The following TCF24 variants were observed in gnomAD, a reference collection of about 807,000 sequenced individuals.
The protein encoded by TCF24 is transcription factor 24.
TCF24 carries 5 observed loss-of-function variants against 9.3 expected under a neutral mutation model. The ratio of observed to expected loss-of-function variants is 0.54; its 90% CI spans 0.28 to 1.13. The LOEUF is 1.13. Among genes scored for constraint, TCF24 ranks in the 50% most tolerant of loss-of-function variants. The pLI is 0.09. For synonymous variants in TCF24, 110 were observed against 115.8 expected (o/e 0.95, Z 0.32); for missense variants, 220 against 236.1 (o/e 0.93, Z 0.45).
At chr8:66,955,048 C>T (rs1033592595) in intron 3 of TCF24, 12 of 158,122 alleles carry the variant, frequency 7.6e-5, no homozygotes, top group Non-Finnish European at 1.6e-4. Flanking sequence ...AGAAATCACC[C>T]GTCTTCTGCG....
chr8:66,952,619 A>T (rs1200618427), intron 3 of TCF24, among the ~76,000 whole-genome samples: 2 of 150,816 alleles, frequency 1.3e-5, no homozygotes, highest in East Asian at 2.0e-4. Context: ...GTCCGCTTGG[A>T]GCAGAGCTGA....
chr8:66,956,084 C>T (rs2130900674), intron 3 of TCF24, among the ~76,000 whole-genome samples: 1 of 152,104 alleles, frequency 6.6e-6, no homozygotes, highest in East Asian at 1.9e-4. Context: ...TGCGTGCTAC[C>T]ACGCTGGGCT....
intron 3 of TCF24, among the ~76,000 whole-genome samples, chr8:66,949,933 G>A (rs1472787542): frequency 7.7e-5 from 11 of 143,372 alleles, no homozygotes; most frequent in Non-Finnish European, 1.5e-4. Context: ...CATGTCCTTC[G>A]CCCACTTTTT....
In TCF24 at chr8:66,961,417, A is replaced by G. The variant is rs1814250267; in HGVS notation, c.349T>C (p.Leu117=). 6.6e-7 allele frequency: 1 copy of G among 1,517,108 alleles called. No homozygotes were observed. Among genetic ancestry groups the G allele is most frequent in the African/African-American group, 1.4e-5 (1 of 70,494 alleles). The allele number at this position is 1,517,108 out of a possible 1,614,324, so 94.0% of individuals were successfully genotyped here. Residue 117 remains leucine, a synonymous_variant, in exon 3 of 4, where the codon TTG becomes CTG. Transcript: ENST00000563496. ...TAGCCATCGCCGCGCAGGGCGCCCA[A>G]CCCGGCGTCCGCCGGCGCCTCGGCG... ...DDAEAPADAG[L]GALRGDGYLH...
intron 2 of TCF24, 30 bp from the exon 3 acceptor site, chr8:66,961,818 G>A (rs1814262411): frequency 2.8e-6 from 3 of 1,081,638 alleles, no homozygotes; most frequent in South Asian, 4.5e-5. Context: ...CGGTGAGGCC[G>A]GGGGGCGGTC....
At chr8:66,955,431 T>C (rs1449060091) in intron 3 of TCF24, among the ~76,000 whole-genome samples, 1 of 151,338 alleles carries the variant, frequency 6.6e-6, no homozygotes, top group Non-Finnish European at 1.5e-5. Flanking sequence ...GGTCCCACAC[T>C]CTCCAGGGAG....
intron 2 of TCF24, 26 bp from the exon 3 acceptor site, chr8:66,961,814 G>A (rs756868959): frequency 1.5e-4 from 166 of 1,092,294 alleles, no homozygotes; most frequent in Admixed American, 1.2e-3. Context: ...GGTGCGGTGA[G>A]GCCGGGGGGC....
At position 66,960,100 on chromosome 8, in the gene TCF24, T is replaced by G. The variant is rs1053539094; in HGVS notation, c.390+1276A>C. On this transcript the variant is annotated intron_variant, in intron 3 of 3. Transcript: ENST00000563496. ...GGCAAATGTCAAGTCAAAAGAAATT[T>G]AATATTAATGGTATATTCGAATAGC... 4.6e-5 allele frequency among the ~76,000 whole-genome samples: 7 copies of G among 152,294 alleles called. No individual in the cohort carries two copies. The East Asian group carries it at 1.3e-3, about 29-fold the overall frequency.
chr8:66,950,400 A>T (rs1814040456), intron 3 of TCF24, among the ~76,000 whole-genome samples: 1 of 152,122 alleles, frequency 6.6e-6, no homozygotes, highest in African/African-American at 2.4e-5. Context: ...TTTGTCAAAG[A>T]TCAGATAGTT....
chr8:66,954,702 G>A lies in TCF24; in HGVS notation c.391-6538C>T, dbSNP rs561705813. ...GCGCCCCTCCCCCAGCCTCGCTGCC[G>A]CCTTGCAGTTTGATCTCAGACTGCT... On this transcript the variant is annotated intron_variant, in intron 3 of 3. Coordinates refer to ENST00000563496, the MANE Select transcript of TCF24 (RefSeq NM_001193502.2). Among the ~76,000 whole-genome samples, 1,290 of 129,978 alleles carry A rather than the reference G, an allele frequency of 9.9e-3. 23 individuals carry two copies. The highest frequency in any genetic ancestry group is 9.7e-3 in the East Asian group (45 of 4,644). 85.3% of individuals were successfully genotyped at this position (129,978 alleles called of 152,430 possible). A position where few individuals can be genotyped will look rare whatever the true frequency, so the allele number is the denominator to read the frequency against.
At chr8:66,955,777 C>T (rs1814142468) in intron 3 of TCF24, among the ~76,000 whole-genome samples, 2 of 152,202 alleles carry the variant, frequency 1.3e-5, no homozygotes, top group South Asian at 4.1e-4. Flanking sequence ...TATAAACTCT[C>T]ATTGCACTTG....
rs1814254267 is a variant in TCF24, at chr8:66,961,545, C to A, written c.221G>T (p.Arg74Leu). 1 of 1,502,998 alleles carries A rather than the reference C, an allele frequency of 6.7e-7. No individual in the cohort carries two copies. Among genetic ancestry groups the A allele is most frequent in the Non-Finnish European group, 8.8e-7 (1 of 1,133,194 alleles). The allele number at this position is 1,502,998 out of a possible 1,614,324, so 93.1% of individuals were successfully genotyped here. A position where few individuals can be genotyped will look rare whatever the true frequency, so the allele number is the denominator to read the frequency against. Reference protein sequence around the residue: ...TLRHAFLELQRTLPSVPPDTK... With the variant: ...TLRHAFLELQLTLPSVPPDTK... The stretch of plus-strand genomic sequence containing the variant: ...GTCGGGCGGCACGGACGGCAGCGTG[C>A]GCTGCAGCTCCAGGAAAGCGTGCCG... Residue 74 changes from arginine to leucine, a missense_variant, in exon 3 of 4, where the codon CGC (arginine) becomes CTC (leucine). By Grantham distance (102) the Arg-to-Leu change is moderately radical (BLOSUM62 -2). Transcript: ENST00000563496.
intron 3 of TCF24, among the ~76,000 whole-genome samples, chr8:66,951,350 CAT>C (rs1814056650): frequency 6.9e-6 from 1 of 145,104 alleles, no homozygotes; most frequent in African/African-American, 2.6e-5. Flanking sequence ...TTGAGATAAT[CAT>C]GTGGTTTTTG....
Position 66,946,715 on chromosome 8 carries a change from C to G in TCF24, c.*1336G>C, listed in dbSNP as rs1211574769. The G allele has an allele frequency of 6.6e-6, 1 of 152,074 alleles. No individual in the cohort carries two copies. Among genetic ancestry groups the G allele is most frequent in the African/African-American group, 2.4e-5 (1 of 41,424 alleles). 9.4% of individuals were successfully genotyped at this position (152,074 alleles called of 1,614,324 possible). On this transcript the variant is annotated 3_prime_UTR_variant, in exon 4 of 4. Transcript: ENST00000563496. ...TCTTTGGCATTAATACAACTTGTAA[C>G]TGGATGAGAAGAATTAAAAAGTAAT...
rs1213562564 is a variant in TCF24, at chr8:66,961,503, A to G, written c.263T>C (p.Leu88Pro). ...SVPPDTKLSK[L>P]DVLLLATTYI... ...GGTGGTGGCCAGCAGCAGCACGTCC[A>G]GCTTGGACAGCTTGGTGTCGGGCGG... The change falls in exon 3 of 4, where the codon CTG becomes CCG. Residue 88 changes from leucine to proline, a missense_variant. Physicochemically the swap from Leu to Pro is moderately conservative, Grantham distance 98 (BLOSUM62 -3). Transcript: ENST00000563496. 5 of 1,523,730 alleles carry G rather than the reference A, an allele frequency of 3.3e-6. No homozygotes were observed. In the South Asian group the frequency reaches 4.8e-5, roughly 15 times the overall value. The allele number at this position is 1,523,730 out of a possible 1,614,324, so 94.4% of individuals were successfully genotyped here. A position where few individuals can be genotyped will look rare whatever the true frequency, so the allele number is the denominator to read the frequency against.
intron 3 of TCF24, among the ~76,000 whole-genome samples, chr8:66,952,269 C>T (rs377146020): frequency 1.4e-4 from 19 of 134,576 alleles, no homozygotes; most frequent in East Asian, 8.7e-4. Context: ...GCTTTGAATG[C>T]GTCCCAGAGA....
intron 3 of TCF24, among the ~76,000 whole-genome samples, chr8:66,960,216 T>C (rs1324694066): frequency 6.6e-6 from 1 of 152,232 alleles, no homozygotes; most frequent in Non-Finnish European, 1.5e-5. Flanking sequence ...TCTATCGTAA[T>C]TATAATGATA....
intron 3 of TCF24, among the ~76,000 whole-genome samples, chr8:66,960,704 A>G (rs766900379): frequency 1.3e-5 from 2 of 152,250 alleles, no homozygotes; most frequent in African/African-American, 2.4e-5. Flanking sequence ...AATTTTGTAC[A>G]TGAGACTTTG....
Position 66,961,885 on chromosome 8 carries a change from C to T in TCF24, c.-32G>A. 1 of 885,672 alleles carries T rather than the reference C, an allele frequency of 1.1e-6. No individual in the cohort carries two copies. The highest frequency in any genetic ancestry group is 1.4e-6 in the Non-Finnish European group (1 of 734,098). The allele number at this position is 885,672 out of a possible 1,614,324, so 54.9% of individuals were successfully genotyped here. A position where few individuals can be genotyped will look rare whatever the true frequency, so the allele number is the denominator to read the frequency against. ...TCTCCCCGTGCGCCCACCAGCAGCC[C>T]AACGGGGCTAAGGGCGCTCTCAAGC... On this transcript the variant is annotated 5_prime_UTR_variant, in exon 2 of 4. Transcript: ENST00000563496.
Sources: allele counts gnomAD v4.1 joint callset (sites outside exome capture counted in the v4.1 genomes callset), GRCh38; gene constraint gnomAD v4.1.1; transcripts MANE v1.5; gene names NCBI Gene and HGNC (gene_info 2026-07-23, HGNC 2026-07-21).